The following FOXN3 variants were observed in gnomAD, a reference collection of about 807,000 sequenced individuals.
The protein encoded by FOXN3 is forkhead box protein N3.
Under a neutral mutation model 38.4 loss-of-function variants are expected in FOXN3, and 7 were observed. The ratio of observed to expected loss-of-function variants is 0.18; its 90% CI spans 0.10 to 0.34. The LOEUF (loss-of-function observed/expected upper bound fraction) is 0.34, where lower values mean the gene tolerates loss of function less well. FOXN3 is among the 10% of genes least tolerant of loss of function. The pLI, the probability that FOXN3 is intolerant of heterozygous loss-of-function variation, is 1.00. For synonymous variants in FOXN3, 230 were observed against 242.2 expected (o/e 0.95, Z 0.47); for missense variants, 456 against 613.4 (o/e 0.74, Z 2.71).
At chr14:89,250,905 C>T (rs764283696) in intron 4 of FOXN3, among the ~76,000 whole-genome samples, 5 of 152,180 alleles carry the variant, frequency 3.3e-5, no homozygotes, top group Non-Finnish European at 5.9e-5. Flanking sequence ...CGTGACTTTG[C>T]TCCTCCTTTG....
At chr14:89,260,674 C>T (rs1014899498) in intron 4 of FOXN3, among the ~76,000 whole-genome samples, 5 of 152,194 alleles carry the variant, frequency 3.3e-5, no homozygotes, top group Admixed American at 6.5e-5. Flanking sequence ...GCACAGGCAA[C>T]TAGGCTCAAA....
Position 89,162,169 on chromosome 14 carries a change from A to T in FOXN3, c.*245T>A. 2.9e-6 allele frequency: 1 copy of T among 341,168 alleles called. No homozygotes were observed. The highest frequency in any genetic ancestry group is 5.2e-6 in the Non-Finnish European group (1 of 191,550). 21.1% of individuals were successfully genotyped at this position (341,168 alleles called of 1,614,324 possible). A position where few individuals can be genotyped will look rare whatever the true frequency, so the allele number is the denominator to read the frequency against. ...TCTTCAGATAATGAAAAGCTTTTGT[A>T]AAACAGCTGAGTGTCAATATGAGTT... On this transcript the variant is annotated 3_prime_UTR_variant, in exon 6 of 6. Transcript: ENST00000557258. The surrounding 1 kb of genome is among the most constrained non-coding windows in gnomAD (Gnocchi z 7.2).
At chr14:89,234,138 A>T (rs1031206366) in intron 4 of FOXN3, among the ~76,000 whole-genome samples, 1 of 152,168 alleles carries the variant, frequency 6.6e-6, no homozygotes, top group African/African-American at 2.4e-5. Flanking sequence ...CTGAAAGACT[A>T]AGGAGAACCC....
chr14:89,232,995 C>CT, intron 4 of FOXN3, among the ~76,000 whole-genome samples: 1 of 152,188 alleles, frequency 6.6e-6, no homozygotes, highest in East Asian at 1.9e-4. Context: ...ACCTCCCCTC[C>CT]TTCCTTTCAG....
At position 89,162,408 on chromosome 14, in the gene FOXN3, T is replaced by C. The variant is rs1262714940; in HGVS notation, c.*6A>G. On this transcript the variant is annotated 3_prime_UTR_variant, in exon 6 of 6. Transcript: ENST00000557258. The surrounding 1 kb of genome is among the most constrained non-coding windows in gnomAD (Gnocchi z 7.2). ...CGTAAGTTCAAAACAAATCAGTGAC[T>C]TGTTTTTAATTTTTTGTGGTTTCCT... 1.9e-6 allele frequency: 3 copies of C among 1,539,718 alleles called. No individual in the cohort carries two copies.
chr14:89,559,699 T>TA (rs1276849479), intron 1 of FOXN3, among the ~76,000 whole-genome samples: 1 of 151,768 alleles, frequency 6.6e-6, no homozygotes, highest in African/African-American at 2.4e-5. Context: ...GCAAATAAAA[T>TA]AAAATTTTAA....
intron 1 of FOXN3, among the ~76,000 whole-genome samples, chr14:89,431,177 C>T (rs990512942): frequency 3.9e-5 from 6 of 152,184 alleles, no homozygotes; most frequent in Admixed American, 2.0e-4. Flanking sequence ...TTGGTCTCTA[C>T]GTGTTTAGCA....
At chr14:89,549,705 T>A (rs1444497746) in intron 1 of FOXN3, among the ~76,000 whole-genome samples, 1 of 152,194 alleles carries the variant, frequency 6.6e-6, no homozygotes, top group East Asian at 1.9e-4. Context: ...ACAGAATCGG[T>A]ATTTCTTTTC....
At chr14:89,273,542 G>A (rs150292517) in intron 4 of FOXN3, among the ~76,000 whole-genome samples, 1 of 152,200 alleles carries the variant, frequency 6.6e-6, no homozygotes, top group African/African-American at 2.4e-5. Context: ...GGGAAGAAGG[G>A]GGGTAACTGG....
At chr14:89,470,708 C>T (rs894480346) in intron 1 of FOXN3, among the ~76,000 whole-genome samples, 2 of 152,156 alleles carry the variant, frequency 1.3e-5, no homozygotes, top group African/African-American at 2.4e-5. Context: ...AACTAAGGCC[C>T]CCATGGAACG....
intron 2 of FOXN3, among the ~76,000 whole-genome samples, chr14:89,375,670 A>G (rs1339670466): frequency 6.6e-6 from 1 of 152,260 alleles, no homozygotes; most frequent in East Asian, 1.9e-4. Flanking sequence ...AAAACTCAGT[A>G]ACATTAAATG....
At chr14:89,587,318 G>A (rs111254237) in intron 1 of FOXN3, among the ~76,000 whole-genome samples, 1,635 of 152,330 alleles carry the variant, frequency 0.011, 26 homozygotes, top group African/African-American at 0.036. Flanking sequence ...CTAGACTGGT[G>A]TTTGACCAAA....
chr14:89,332,311 A>T (rs1160437096), intron 3 of FOXN3, among the ~76,000 whole-genome samples: 3 of 152,216 alleles, frequency 2.0e-5, no homozygotes, highest in African/African-American at 7.2e-5. Flanking sequence ...TTATATACAT[A>T]TATTTTAATA....
intron 1 of FOXN3, among the ~76,000 whole-genome samples, chr14:89,462,712 T>A (rs1410048154): frequency 6.7e-6 from 1 of 148,420 alleles, no homozygotes; most frequent in Non-Finnish European, 1.5e-5. Context: ...TGAGATGGAG[T>A]CTCGCTCTGT....
At chr14:89,369,894 G>T (rs938970877) in intron 2 of FOXN3, among the ~76,000 whole-genome samples, 1 of 152,306 alleles carries the variant, frequency 6.6e-6, no homozygotes, top group South Asian at 2.1e-4. Context: ...ACAAGTTAAC[G>T]AATTTGTCTA....
intron 1 of FOXN3, among the ~76,000 whole-genome samples, chr14:89,496,990 T>G (rs1359926801): frequency 6.6e-6 from 1 of 152,252 alleles, no homozygotes; most frequent in Non-Finnish European, 1.5e-5. Flanking sequence ...AGTCTTGCTC[T>G]ATCTCCCAGG....
intron 2 of FOXN3, among the ~76,000 whole-genome samples, chr14:89,397,377 CCT>C (rs746776698): frequency 1.1e-3 from 166 of 151,402 alleles, no homozygotes; most frequent in Non-Finnish European, 1.9e-3. Context: ...ACAACAAACC[CCT>C]GTGACATGAG....
At chr14:89,570,688 G>GTT (rs11383658) in intron 1 of FOXN3, among the ~76,000 whole-genome samples, 10 of 145,206 alleles carry the variant, frequency 6.9e-5, no homozygotes, top group Admixed American at 2.0e-4. Context: ...TGCAATTTTG[G>GTT]TTTTTTTTTT....
chr14:89,346,688 C>A (rs1888767376), intron 3 of FOXN3, among the ~76,000 whole-genome samples: 2 of 152,162 alleles, frequency 1.3e-5, no homozygotes, highest in African/African-American at 4.8e-5. Context: ...CCTTTTCCAA[C>A]CTTTTCCATG....
Sources: allele counts gnomAD v4.1 joint callset (sites outside exome capture counted in the v4.1 genomes callset), GRCh38; gene constraint gnomAD v4.1.1; non-coding constraint Gnocchi (gnomAD v3.1); transcripts MANE v1.5; gene names NCBI Gene and HGNC (gene_info 2026-07-23, HGNC 2026-07-21).